Variants in CARHSP1 observed in about 807,000 individuals in gnomAD.
CARHSP1 encodes the protein calcium regulated heat stable protein 1, also known as calcium-regulated heat-stable protein 1.
In CARHSP1, 14 loss-of-function variants were observed where a neutral mutation model predicts 12.5. That is an observed-to-expected ratio of 1.12 (90% CI 0.74 to 1.75). The LOEUF is 1.75. CARHSP1 is among the 40% of genes most tolerant of loss of function. The pLI is 0.00. For synonymous variants in CARHSP1, 161 were observed against 82.0 expected, an observed-to-expected ratio of 1.96 and a Z score of -5.20; for missense variants, 343 against 201.6, an observed-to-expected ratio of 1.70 and a Z score of -4.25.
intron 1 of CARHSP1, among the ~76,000 whole-genome samples, chr16:8,863,086 C>T (rs970204608): frequency 2.1e-5 from 3 of 141,848 alleles, no homozygotes; most frequent in South Asian, 2.3e-4. Flanking sequence ...GGTCTCCAGA[C>T]GGTCCAGGAA....
In CARHSP1 at chr16:8,855,261, G is replaced by C. The variant is rs2061060927; in HGVS notation, c.347C>G (p.Pro116Arg). The C allele has an allele frequency of 6.2e-7, 1 of 1,612,960 alleles. No homozygotes were observed. Among genetic ancestry groups the C allele is most frequent in the Non-Finnish European group, 8.5e-7 (1 of 1,179,414 alleles). ...CACGGCCTGCAGCTTCTCATTCTTG[G>C]GTGGGATGGAGCACATTTTATAGGT... ...EVTYKMCSIPPKNEKLQAVEV... is the reference protein window; with the variant it reads ...EVTYKMCSIPRKNEKLQAVEV... Residue 116 changes from proline (P) to arginine (R), a missense_variant, in exon 4 of 4, where the codon CCC becomes CGC. Transcript: ENST00000311052.
intron 1 of CARHSP1, among the ~76,000 whole-genome samples, chr16:8,862,499 A>T (rs947411046): frequency 2.0e-5 from 3 of 152,174 alleles, no homozygotes; most frequent in African/African-American, 7.2e-5. Flanking sequence ...ATAAACAGTT[A>T]AATAAACATA....
chr16:8,858,152 A>C, intron 3 of CARHSP1, 198 bp downstream of exon 3: 1 of 627,110 alleles, frequency 1.6e-6, no homozygotes, highest in Non-Finnish European at 2.7e-6. Flanking sequence ...CCCCCAACAC[A>C]GCTCCGTAGA....
At chr16:8,856,344 G>T (rs2061106368) in intron 3 of CARHSP1, among the ~76,000 whole-genome samples, 2 of 152,158 alleles carry the variant, frequency 1.3e-5, no homozygotes, top group Non-Finnish European at 2.9e-5. Context: ...GTTTTGATTG[G>T]AGAATCGTAT....
chr16:8,860,131 A>C (rs1042962990), intron 1 of CARHSP1: 2 of 985,262 alleles, frequency 2.0e-6, no homozygotes, highest in Non-Finnish European at 2.4e-6. Flanking sequence ...CCTCCAGGGA[A>C]CTGTGGAACA....
intron 3 of CARHSP1, chr16:8,857,394 T>C (rs968634275): frequency 2.1e-5 from 3 of 144,344 alleles, no homozygotes; most frequent in African/African-American, 7.6e-5. Context: ...GTGATTCTCC[T>C]GCCTTAGCCT....
In CARHSP1 at chr16:8,854,975, G is replaced by A. The variant is rs199604573; in HGVS notation, c.*189C>T. The A allele has an allele frequency of 3.4e-4, 167 of 486,708 alleles. No homozygotes were observed. The East Asian group carries it at 5.5e-3, about 16-fold the overall frequency. 30.1% of individuals were successfully genotyped at this position (486,708 alleles called of 1,614,324 possible). ...GAGGTTGTTGCAATGGTCATAGGCT[G>A]TGCTGATGGCCGGGAACACCCCACA... is the stretch of plus-strand genomic sequence containing the variant. On this transcript the variant is annotated 3_prime_UTR_variant, in exon 4 of 4. Transcript: ENST00000311052.
chr16:8,864,913 C>T (rs972373310), intron 1 of CARHSP1, among the ~76,000 whole-genome samples: 66 of 152,194 alleles, frequency 4.3e-4, no homozygotes, highest in Non-Finnish European at 2.1e-4. Context: ...GCTCAGCCTG[C>T]CCGCATGTCT....
intron 1 of CARHSP1, chr16:8,860,098 AACTG>A (rs1192813853): frequency 4.1e-6 from 4 of 981,506 alleles, no homozygotes; most frequent in Non-Finnish European, 4.8e-6. Context: ...CAGGGGCAAA[AACTG>A]ACCCTCACGC....
intron 3 of CARHSP1, 57 bp from the exon 4 acceptor site, chr16:8,855,383 C>T (rs765374919): frequency 4.3e-6 from 6 of 1,391,846 alleles, no homozygotes; most frequent in Middle Eastern, 3.9e-4. Flanking sequence ...CTCCCTTCCC[C>T]AAGACACCAG....
intron 1 of CARHSP1, chr16:8,868,155 G>A (rs1242153024): frequency 6.5e-6 from 1 of 152,748 alleles, no homozygotes; most frequent in Non-Finnish European, 1.5e-5. Context: ...GGCTCCGAGA[G>A]GCCTCCTATT....
intron 1 of CARHSP1, among the ~76,000 whole-genome samples, chr16:8,864,831 T>C (rs1249747466): frequency 6.6e-6 from 1 of 152,192 alleles, no homozygotes; most frequent in Non-Finnish European, 1.5e-5. Flanking sequence ...GAATTTTCCG[T>C]AGGCTCTGCA....
chr16:8,868,200 CCCTG>C (rs2061479775), intron 1 of CARHSP1: 1 of 152,394 alleles, frequency 6.6e-6, no homozygotes, highest in Non-Finnish European at 1.5e-5. Context: ...AGACCCAAGG[CCCTG>C]CCTGGAGCGG....
chr16:8,855,204 G>A lies in CARHSP1; in HGVS notation c.404C>T (p.Thr135Ile), dbSNP rs147662412. 3.7e-6 allele frequency: 6 copies of A among 1,612,236 alleles called. No homozygotes were observed. The highest frequency in any genetic ancestry group is 5.1e-6 in the Non-Finnish European group (6 of 1,178,940). Reference sequence around the variant, plus strand: ...ATGTCCAGACCAGGTCTCATGCTTGGTGCCTGGTGCCAGGTGAGTGATGAC... The same window carrying A: ...ATGTCCAGACCAGGTCTCATGCTTGATGCCTGGTGCCAGGTGAGTGATGAC... ...EVVITHLAPG[T>I]KHETWSGHVI... Residue 135 changes from threonine (T) to isoleucine (I), a missense_variant, in exon 4 of 4, where the codon ACC (threonine) becomes ATC (isoleucine). Transcript: ENST00000311052.
intron 1 of CARHSP1, among the ~76,000 whole-genome samples, chr16:8,865,330 G>A (rs777584733): frequency 2.0e-5 from 3 of 152,050 alleles, no homozygotes; most frequent in Admixed American, 6.6e-5. Flanking sequence ...ATCTGGTCTC[G>A]GACTCCTGAC....
At chr16:8,860,332 C>T (rs1283475206) in intron 1 of CARHSP1, 3 of 985,284 alleles carry the variant, frequency 3.0e-6, no homozygotes, top group Non-Finnish European at 3.6e-6. Context: ...CAAATTCCTT[C>T]TGTGACCCCT....
At chr16:8,859,368 C>A (rs1245117905) in intron 1 of CARHSP1, 33 bp from the exon 2 acceptor site, 1 of 1,578,720 alleles carries the variant, frequency 6.3e-7, no homozygotes, top group Non-Finnish European at 8.5e-7. Flanking sequence ...GGGGCTCGTG[C>A]CTTGCAAGGT....
At chr16:8,860,675 C>T (rs1285000885) in intron 1 of CARHSP1, among the ~76,000 whole-genome samples, 1 of 151,904 alleles carries the variant, frequency 6.6e-6, no homozygotes, top group East Asian at 1.9e-4. Context: ...ACTCAGGACG[C>T]CACTCAACAC....
At chr16:8,857,035 C>G (rs975327597) in intron 3 of CARHSP1, among the ~76,000 whole-genome samples, 1 of 152,140 alleles carries the variant, frequency 6.6e-6, no homozygotes, top group East Asian at 1.9e-4. Context: ...TCCACCTCCC[C>G]CAAAGGAGGG....
Sources: allele counts gnomAD v4.1 joint callset (sites outside exome capture counted in the v4.1 genomes callset), GRCh38; gene constraint gnomAD v4.1.1; transcripts MANE v1.5; gene names NCBI Gene and HGNC (gene_info 2026-07-23, HGNC 2026-07-21).